TRAP1: variants seen among roughly 807,000 people sequenced by gnomAD.
The protein encoded by TRAP1 is TNF receptor associated protein 1.
In TRAP1, 102 loss-of-function variants were observed where a neutral mutation model predicts 89.1. The ratio of observed to expected loss-of-function variants is 1.15; its 90% CI spans 0.98 to 1.35. TRAP1 has a LOEUF of 1.35. Among genes scored for constraint, TRAP1 ranks in the 40% most tolerant of loss-of-function variants. The pLI, the probability that TRAP1 is intolerant of heterozygous loss-of-function variation, is 0.00. For synonymous variants in TRAP1, 508 were observed against 388.0 expected (o/e 1.31, Z -3.64); for missense variants, 1,256 against 945.3 (o/e 1.33, Z -4.31).
At chr16:3,675,152 C>G (rs1441830195) in intron 8 of TRAP1, among the ~76,000 whole-genome samples, 172 bp downstream of exon 8, 2 of 152,170 alleles carry the variant, frequency 1.3e-5, no homozygotes, top group African/African-American at 4.8e-5. Context: ...AGGGGCAGGG[C>G]TGTGGTAGAG....
chr16:3,683,666 G>C (rs904894446), intron 4 of TRAP1, among the ~76,000 whole-genome samples: 6 of 151,604 alleles, frequency 4.0e-5, no homozygotes, highest in African/African-American at 1.5e-4. Flanking sequence ...GATTACAAGC[G>C]TGAGCCACTG....
At chr16:3,706,952 T>C (rs1419574005) in intron 1 of TRAP1, among the ~76,000 whole-genome samples, 1 of 152,160 alleles carries the variant, frequency 6.6e-6, no homozygotes, top group Non-Finnish European at 1.5e-5. Flanking sequence ...CAAGAATGTT[T>C]TCCTGCAGAG....
intron 6 of TRAP1, among the ~76,000 whole-genome samples, 155 bp downstream of exon 6, chr16:3,677,343 A>G (rs1407365089): frequency 1.3e-5 from 2 of 152,178 alleles, no homozygotes; most frequent in Non-Finnish European, 2.9e-5. Flanking sequence ...TGGAGCCACA[A>G]AAGTCACTAA....
chr16:3,690,795 C>A, intron 2 of TRAP1, 32 bp downstream of exon 2: 1 of 1,351,890 alleles, frequency 7.4e-7, no homozygotes. Context: ...AACCAAAAAG[C>A]CCTCCCAGAC....
chr16:3,671,851 C>G (rs1040713429), intron 10 of TRAP1, 60 bp from the exon 11 acceptor site: 5 of 1,540,108 alleles, frequency 3.2e-6, no homozygotes, highest in Admixed American at 1.7e-5. Context: ...ACCCAACATT[C>G]CCCATTAACC....
Position 3,672,798 on chromosome 16 carries a change from C to G in TRAP1, c.1067G>C (p.Ser356Thr). 1 of 1,613,174 alleles carries G rather than the reference C, an allele frequency of 6.2e-7. No homozygotes were observed. Among genetic ancestry groups the G allele is most frequent in the Non-Finnish European group, 8.5e-7 (1 of 1,179,708 alleles). Residue 356 changes from serine (S) to threonine (T), a missense_variant, in exon 10 of 18, where the codon AGC becomes ACC. Transcript: ENST00000246957. ...TGCAACGCTGGAGCCCAGCTCCCGG[C>G]TCACATCAAACATGGACGGTTTCTG... ...PDMKPSMFDV[S>T]RELGSSVALY... is the part of the protein sequence containing the mutation.
chr16:3,717,288 C>CAG, intron 1 of TRAP1, 133 bp downstream of exon 1: 1 of 360,912 alleles, frequency 2.8e-6, no homozygotes, highest in Non-Finnish European at 4.9e-6. Flanking sequence ...AACGCGTCTG[C>CAG]CGCGCTTGGC....
intron 11 of TRAP1, among the ~76,000 whole-genome samples, chr16:3,667,815 G>T (rs1178326059): frequency 6.7e-6 from 1 of 148,474 alleles, no homozygotes; most frequent in Non-Finnish European, 1.5e-5. Flanking sequence ...CTGGAGTGCA[G>T]TGGCGTGATC....
intron 10 of TRAP1, among the ~76,000 whole-genome samples, chr16:3,672,261 G>C (rs1261189733): frequency 6.6e-6 from 1 of 152,072 alleles, no homozygotes; most frequent in African/African-American, 2.4e-5. Flanking sequence ...ACTTAAGGAG[G>C]TTGCAGTGAG....
At chr16:3,694,059 C>G (rs929693307) in intron 1 of TRAP1, among the ~76,000 whole-genome samples, 1 of 151,392 alleles carries the variant, frequency 6.6e-6, no homozygotes, top group Non-Finnish European at 1.5e-5. Context: ...CTGGAGGTGC[C>G]GAGGGAGAGT....
intron 15 of TRAP1, chr16:3,662,547 G>T: frequency 1.8e-6 from 1 of 556,334 alleles, no homozygotes; most frequent in South Asian, 1.8e-5. Context: ...GCACCCAAGT[G>T]AGCATGTGAG....
intron 1 of TRAP1, among the ~76,000 whole-genome samples, chr16:3,706,613 C>G (rs368584757): frequency 6.6e-6 from 1 of 151,896 alleles, no homozygotes; most frequent in African/African-American, 2.4e-5. Flanking sequence ...GCATGTGCCA[C>G]CACACCCAGC....
chr16:3,700,018 C>T (rs1486074404), intron 1 of TRAP1, among the ~76,000 whole-genome samples: 1 of 151,892 alleles, frequency 6.6e-6, no homozygotes, highest in Admixed American at 6.6e-5. Context: ...CAGCATATGA[C>T]ATTTCCCACT....
Position 3,709,227 on chromosome 16 carries a change from CAAA to C in TRAP1, c.88+8191_88+8193del, listed in dbSNP as rs58859365. Among the ~76,000 whole-genome samples the C allele has an allele frequency of 4.3e-3, 355 of 82,372 alleles. 4 individuals carry two copies. Among genetic ancestry groups the C allele is most frequent in the African/African-American group, 0.013 (329 of 24,526 alleles). 54.0% of individuals were successfully genotyped at this position (82,372 alleles called of 152,430 possible). ...GGGCACCAAGTGCAAAACTCCATCTCAAAAAAAAAAAAAAAAAAAAGAAAAAGG... is the reference window on the plus strand; with the variant it reads ...GGGCACCAAGTGCAAAACTCCATCTCAAAAAAAAAAAAAAAAAGAAAAAGG... On this transcript the variant is annotated intron_variant, in intron 1 of 17. Coordinates refer to ENST00000246957, the MANE Select transcript of TRAP1 (RefSeq NM_016292.3).
In TRAP1 at chr16:3,674,472, T is replaced by G. The variant is rs1365411117; in HGVS notation, c.911A>C (p.Lys304Thr). The change falls in exon 9 of 18, where the codon AAG becomes ACG. Residue 304 changes from lysine (K) to threonine (T), a missense_variant. Transcript: ENST00000246957. ...CTCATGTTGCCACTCACGGACATCC[T>G]TGGGGTCCATCATCCAGATGGCCTG... ...TLQAIWMMDP[K>T]DVREWQHEEF... 6.2e-7 allele frequency: 1 copy of G among 1,613,960 alleles called. No individual in the cohort carries two copies. Among genetic ancestry groups the G allele is most frequent in the East Asian group, 2.2e-5 (1 of 44,882 alleles).
At chr16:3,693,509 C>T (rs192334968) in intron 1 of TRAP1, among the ~76,000 whole-genome samples, 70 of 152,300 alleles carry the variant, frequency 4.6e-4, no homozygotes, top group Non-Finnish European at 7.9e-4. Flanking sequence ...CCTTCCAAAG[C>T]ACAGCCAGCC....
At chr16:3,716,875 G>C (rs527794652) in intron 1 of TRAP1, among the ~76,000 whole-genome samples, 2 of 152,338 alleles carry the variant, frequency 1.3e-5, no homozygotes, top group Non-Finnish European at 1.5e-5. Flanking sequence ...ACTGCTATAG[G>C]TTTTGTTCAC....
intron 1 of TRAP1, among the ~76,000 whole-genome samples, chr16:3,707,314 T>C (rs1476249776): frequency 6.7e-6 from 1 of 149,964 alleles, no homozygotes; most frequent in African/African-American, 2.5e-5. Context: ...GCCTCCCAAG[T>C]AGCTGGGACT....
At chr16:3,658,700 G>A in intron 17 of TRAP1, 93 bp downstream of exon 17, 1 of 1,223,206 alleles carries the variant, frequency 8.2e-7, no homozygotes, top group East Asian at 2.5e-5. Context: ...CAAAAAGACA[G>A]GATTTTAGAG....
Sources: gnomAD v4.1 joint callset for allele counts (sites outside exome capture counted in the v4.1 genomes callset) on GRCh38, gnomAD v4.1.1 for gene constraint, MANE v1.5 for transcripts, NCBI Gene and HGNC (gene_info 2026-07-23, HGNC 2026-07-21) for gene names.